Variants in GPC5 observed in about 807,000 individuals in gnomAD.
GPC5 encodes the protein glypican-5.
In GPC5, 47 loss-of-function variants were observed where a neutral mutation model predicts 53.9. That is an observed-to-expected ratio of 0.87 (90% CI 0.69 to 1.11). The LOEUF (loss-of-function observed/expected upper bound fraction) is 1.11. Ranked by LOEUF, GPC5 falls within the 50% of genes most tolerant of loss-of-function variation. GPC5 has a pLI of 0.00. For missense variants in GPC5, 748 were observed against 713.1 expected (o/e 1.05, Z -0.56); for synonymous variants, 286 against 263.3 (o/e 1.09, Z -0.84).
rs1447586700 is a variant in GPC5 at position 91,920,924 on chromosome 13, C to CTT, written c.1401+12868_1401+12869insTT. On this transcript the variant is annotated intron_variant, in intron 6 of 7. Coordinates refer to ENST00000377067, the MANE Select transcript of GPC5 (RefSeq NM_004466.6). ...TTTTTAAATCTCTCTCTCTCTCTCT[C>CTT]TCTTTTTTTTTTTTTTTTTTTTTTT... 5.0e-3 allele frequency among the ~76,000 whole-genome samples: 299 copies of CTT among 59,538 alleles called. 19 individuals are homozygous for CTT. The highest frequency in any genetic ancestry group is 0.019 in the African/African-American group (275 of 14,608). 39.1% of individuals were successfully genotyped at this position (59,538 alleles called of 152,430 possible).
intron 5 of GPC5, among the ~76,000 whole-genome samples, chr13:91,759,004 G>A (rs1230620446): frequency 1.3e-5 from 2 of 151,934 alleles, no homozygotes; most frequent in Non-Finnish European, 2.9e-5. Context: ...CACCTCTAAG[G>A]CTACTGCCAA....
At chr13:92,620,007 A>ACGGTTATAGGC (rs1483683471) in intron 7 of GPC5, among the ~76,000 whole-genome samples, 1 of 152,078 alleles carries the variant, frequency 6.6e-6, no homozygotes, top group African/African-American at 2.4e-5. Flanking sequence ...CTTTAGAAAG[A>ACGGTTATAGGC]CGGTTATAAA....
At chr13:91,684,591 G>A (rs1351750375) in intron 2 of GPC5, among the ~76,000 whole-genome samples, 1 of 152,118 alleles carries the variant, frequency 6.6e-6, no homozygotes, top group Non-Finnish European at 1.5e-5. Context: ...ACTTATTGCA[G>A]CATACACCTC....
chr13:92,590,356 TTATC>T (rs1463407966), intron 7 of GPC5, among the ~76,000 whole-genome samples: 1 of 151,828 alleles, frequency 6.6e-6, no homozygotes, highest in Non-Finnish European at 1.5e-5. Context: ...TGAGGACAGT[TTATC>T]TATTGAAAAG....
intron 6 of GPC5, among the ~76,000 whole-genome samples, chr13:92,125,067 C>CTCTCG (rs2041683936): frequency 6.6e-6 from 1 of 152,176 alleles, no homozygotes; most frequent in South Asian, 2.1e-4. Context: ...CCCTCTTGCC[C>CTCTCG]TCTCGCTTGC....
chr13:92,140,960 G>C (rs978660357), intron 6 of GPC5, among the ~76,000 whole-genome samples: 1 of 152,178 alleles, frequency 6.6e-6, no homozygotes, highest in Admixed American at 6.5e-5. Context: ...TGAATTCCAA[G>C]AAAGAGACTA....
At chr13:92,363,691 A>G (rs1454826839) in intron 7 of GPC5, among the ~76,000 whole-genome samples, 1 of 151,790 alleles carries the variant, frequency 6.6e-6, no homozygotes, top group Non-Finnish European at 1.5e-5. Flanking sequence ...TGCTTTAATA[A>G]AACTTAAGTG....
chr13:92,186,561 A>AGT (rs2042185272), intron 7 of GPC5, among the ~76,000 whole-genome samples: 1 of 151,874 alleles, frequency 6.6e-6, no homozygotes, highest in Non-Finnish European at 1.5e-5. Flanking sequence ...GTAAGGTTTT[A>AGT]AAATATATTT....
intron 7 of GPC5, among the ~76,000 whole-genome samples, chr13:92,695,082 G>A (rs1200316894): frequency 6.6e-6 from 1 of 152,074 alleles, no homozygotes; most frequent in Non-Finnish European, 1.5e-5. Context: ...GTCTCATGAG[G>A]CCTCCCTAGC....
intron 5 of GPC5, among the ~76,000 whole-genome samples, chr13:91,846,330 A>G (rs1289841204): frequency 3.9e-5 from 6 of 152,172 alleles, no homozygotes; most frequent in African/African-American, 7.2e-5. Flanking sequence ...CTAATACACT[A>G]TCATAGTACC....
intron 6 of GPC5, among the ~76,000 whole-genome samples, chr13:92,105,917 T>C (rs1053866459): frequency 6.6e-6 from 1 of 152,034 alleles, no homozygotes; most frequent in African/African-American, 2.4e-5. Flanking sequence ...CCTGTTACCA[T>C]ATATTAATAT....
At chr13:92,540,870 C>A (rs987087458) in intron 7 of GPC5, among the ~76,000 whole-genome samples, 6 of 151,776 alleles carry the variant, frequency 4.0e-5, no homozygotes, top group African/African-American at 1.5e-4. Context: ...ATAATGAGAA[C>A]ACTAATGTCC....
At chr13:91,777,256 T>A (rs537532782) in intron 5 of GPC5, among the ~76,000 whole-genome samples, 1 of 152,378 alleles carries the variant, frequency 6.6e-6, no homozygotes, top group African/African-American at 2.4e-5. Flanking sequence ...AACAAAATTG[T>A]TGCTTATATC....
chr13:91,520,652 A>G (rs1449951250), intron 2 of GPC5, among the ~76,000 whole-genome samples: 1 of 151,906 alleles, frequency 6.6e-6, no homozygotes, highest in African/African-American at 2.4e-5. Context: ...TTCCATATAT[A>G]TATATGTGTG....
chr13:91,524,226 T>C (rs1300203409), intron 2 of GPC5, among the ~76,000 whole-genome samples: 1 of 152,132 alleles, frequency 6.6e-6, no homozygotes, highest in Non-Finnish European at 1.5e-5. Flanking sequence ...GTTGTAGAGC[T>C]GGGATTAGAA....
chr13:92,179,408 T>C (rs1401005578), intron 7 of GPC5, among the ~76,000 whole-genome samples: 1 of 152,210 alleles, frequency 6.6e-6, no homozygotes, highest in African/African-American at 2.4e-5. Flanking sequence ...TCTCAAGATA[T>C]TTACATAGTC....
At chr13:92,694,610 C>G (rs73623498) in intron 7 of GPC5, among the ~76,000 whole-genome samples, 141 of 152,290 alleles carry the variant, frequency 9.3e-4, no homozygotes, top group Middle Eastern at 3.4e-3. Flanking sequence ...AGAATATTTA[C>G]CCGGTGCCTG....
intron 7 of GPC5, among the ~76,000 whole-genome samples, chr13:92,703,621 TAA>T (rs552757041): frequency 1.1e-4 from 16 of 149,868 alleles, no homozygotes; most frequent in East Asian, 3.9e-4. Flanking sequence ...AATTGATGTA[TAA>T]TTTTTTTATA....
chr13:92,546,396 A>G (rs946697312), intron 7 of GPC5, among the ~76,000 whole-genome samples: 9 of 152,206 alleles, frequency 5.9e-5, no homozygotes, highest in African/African-American at 1.9e-4. Context: ...GAGCCAAATC[A>G]TGAGTGAACT....
Sources: gnomAD v4.1 joint callset for allele counts (sites outside exome capture counted in the v4.1 genomes callset) on GRCh38, gnomAD v4.1.1 for gene constraint, MANE v1.5 for transcripts, NCBI Gene and HGNC (gene_info 2026-07-23, HGNC 2026-07-21) for gene names.